Variants in PPARA observed in about 807,000 individuals in gnomAD.
PPARA encodes the protein peroxisome proliferator activated receptor alpha, also known as peroxisome proliferator-activated receptor alpha.
A neutral mutation model predicts 42.2 loss-of-function variants in PPARA; 22 were observed. The observed-to-expected ratio is 0.52, with a 90% CI of 0.37 to 0.74. The LOEUF is 0.74. PPARA is among the 30% of genes least tolerant of loss of function. The pLI is 0.00. For synonymous variants in PPARA, 242 were observed against 239.3 expected, an observed-to-expected ratio of 1.01 and a Z score of -0.10; for missense variants, 465 against 608.2, an observed-to-expected ratio of 0.76 and a Z score of 2.48.
chr22:46,199,177 C>T (rs1433863548), intron 4 of PPARA, among the ~76,000 whole-genome samples: 4 of 152,022 alleles, frequency 2.6e-5, no homozygotes, highest in South Asian at 2.1e-4. Context: ...AGCAAGCCCG[C>T]GGGGGGCAGC....
Position 46,183,778 on chromosome 22 carries a change from T to C in PPARA, c.-43+6942T>C, listed in dbSNP as rs542593519. On this transcript the variant is annotated intron_variant, in intron 3 of 8. Transcript: ENST00000407236. The surrounding 1 kb of genome is among the most constrained non-coding windows in gnomAD (Gnocchi z 5.5). ...AAACAAAACAAAAAAAGCTAAATTATCAAATGTCTAGATCGTTGATGGTTG... is the reference window on the plus strand; with the variant it reads ...AAACAAAACAAAAAAAGCTAAATTACCAAATGTCTAGATCGTTGATGGTTG... Among the ~76,000 whole-genome samples the C allele has an allele frequency of 3.8e-4, 58 of 152,154 alleles. No individual in the cohort carries two copies. The highest frequency in any genetic ancestry group is 1.3e-3 in the African/African-American group (56 of 41,524).
At position 46,219,849 on chromosome 22, in the gene PPARA, A is replaced by G. The variant is rs752091336; in HGVS notation, c.546A>G (p.Ala182=). 1.5e-5 allele frequency: 24 copies of G among 1,614,112 alleles called. No homozygotes were observed. The highest frequency in any genetic ancestry group is 1.9e-5 in the Non-Finnish European group (22 of 1,180,050). Residue 182 remains alanine (A), a synonymous_variant, in exon 7 of 9, where the codon GCA becomes GCG. Transcript: ENST00000407236. The surrounding 1 kb of genome is among the most constrained non-coding windows in gnomAD (Gnocchi z 4.8). The part of the protein sequence containing the change: ...RFGRMPRSEK[A]KLKAEILTCE... ...GACGAATGCCAAGATCTGAGAAAGC[A>G]AAACTGAAAGCAGAAATTCTTACCT... is the stretch of plus-strand genomic sequence containing the variant.
At chr22:46,194,674 C>T (rs1160185172) in intron 3 of PPARA, among the ~76,000 whole-genome samples, 2 of 149,796 alleles carry the variant, frequency 1.3e-5, no homozygotes, top group Non-Finnish European at 3.0e-5. Flanking sequence ...CAGGTTCAAG[C>T]GATTCTCCTG....
chr22:46,155,019 A>C (rs1162936509), intron 2 of PPARA: 42 of 142,462 alleles, frequency 2.9e-4, no homozygotes, highest in Admixed American at 7.0e-4. Flanking sequence ...AAAAAAAAAA[A>C]AAAAAAAACC....
chr22:46,241,245 C>T lies in PPARA; in HGVS notation c.*5865C>T, dbSNP rs944229772. ...TAGATATTTTCAGGCACCATTTTGACAGCATTCAGGAAAACGGTTATTGAC... is the reference window on the plus strand; with the variant it reads ...TAGATATTTTCAGGCACCATTTTGATAGCATTCAGGAAAACGGTTATTGAC... On this transcript the variant is annotated 3_prime_UTR_variant, in exon 9 of 9. Coordinates refer to ENST00000407236, the MANE Select transcript of PPARA (RefSeq NM_005036.6). The surrounding 1 kb of genome is among the most constrained non-coding windows in gnomAD (Gnocchi z 5.7). 2 of 152,188 alleles carry T rather than the reference C, an allele frequency of 1.3e-5. No individual in the cohort carries two copies. The highest frequency in any genetic ancestry group is 2.9e-5 in the Non-Finnish European group (2 of 68,040). 9.4% of individuals were successfully genotyped at this position (152,188 alleles called of 1,614,324 possible).
At position 46,180,135 on chromosome 22, in the gene PPARA, A is replaced by G. The variant is rs1185734834; in HGVS notation, c.-43+3299A>G. 1.3e-5 allele frequency among the ~76,000 whole-genome samples: 2 copies of G among 151,862 alleles called. No individual in the cohort carries two copies. The highest frequency in any genetic ancestry group is 3.9e-4 in the East Asian group (2 of 5,184). On this transcript the variant is annotated intron_variant, in intron 3 of 8. Transcript: ENST00000407236. The surrounding 1 kb of genome is among the most constrained non-coding windows in gnomAD (Gnocchi z 4.2). Reference sequence around the variant, plus strand: ...ATGATGTGCAGGAACTAGAACTCTCATCTTTGCTGACAGGAAGGTAAAATG... The same window carrying G: ...ATGATGTGCAGGAACTAGAACTCTCGTCTTTGCTGACAGGAAGGTAAAATG...
rs1462953309 is a variant in PPARA, at chr22:46,225,817, GCA to G, written c.711+5808_711+5809del. ...CACACATACACGTGCACCCACACAT[GCA>G]CACAGACGCACCTCCACCCCCACAC... On this transcript the variant is annotated intron_variant, in intron 7 of 8. Coordinates refer to ENST00000407236, the MANE Select transcript of PPARA (RefSeq NM_005036.6). This position sits in a 1 kb window ranked among gnomAD's most constrained non-coding sequence, Gnocchi z 4.1. 1.3e-5 allele frequency among the ~76,000 whole-genome samples: 2 copies of G among 148,382 alleles called. No individual in the cohort carries two copies. Among genetic ancestry groups the G allele is most frequent in the Non-Finnish European group, 3.0e-5 (2 of 67,234 alleles).
Position 46,227,453 on chromosome 22 carries a change from T to C in PPARA, c.712-4339T>C, listed in dbSNP as rs1420004743. 1.3e-5 allele frequency among the ~76,000 whole-genome samples: 2 copies of C among 152,224 alleles called. No individual in the cohort carries two copies. Among genetic ancestry groups the C allele is most frequent in the East Asian group, 1.9e-4 (1 of 5,202 alleles). On this transcript the variant is annotated intron_variant, in intron 7 of 8. Coordinates refer to ENST00000407236, the MANE Select transcript of PPARA (RefSeq NM_005036.6). The surrounding 1 kb of genome is among the most constrained non-coding windows in gnomAD (Gnocchi z 4.3). The stretch of plus-strand genomic sequence containing the variant: ...TTTTAGTAGACACGGGCTTTTGCCA[T>C]GTTGGCCGGGCTGGTCTCGAAATCC...
intron 2 of PPARA, among the ~76,000 whole-genome samples, chr22:46,158,902 G>T (rs902652591): frequency 6.6e-6 from 1 of 152,050 alleles, no homozygotes; most frequent in Admixed American, 6.6e-5. Flanking sequence ...TTTGTCGGGG[G>T]TGTTGAGGCT....
rs1369966347 is a variant in PPARA at position 46,224,869 on chromosome 22, C to G, written c.711+4855C>G. On this transcript the variant is annotated intron_variant, in intron 7 of 8. Coordinates refer to ENST00000407236, the MANE Select transcript of PPARA (RefSeq NM_005036.6). The surrounding 1 kb of genome is among the most constrained non-coding windows in gnomAD (Gnocchi z 5.7). Reference sequence around the variant, plus strand: ...TTGCTATAAGCGGGGGACTGAATTTCTCTTTGCAGTGGCCAATGCCTTTCT... The same window carrying G: ...TTGCTATAAGCGGGGGACTGAATTTGTCTTTGCAGTGGCCAATGCCTTTCT... 6.6e-6 allele frequency among the ~76,000 whole-genome samples: 1 copy of G among 152,052 alleles called. No individual in the cohort carries two copies. Among genetic ancestry groups the G allele is most frequent in the African/African-American group, 2.4e-5 (1 of 41,396 alleles).
intron 3 of PPARA, among the ~76,000 whole-genome samples, chr22:46,181,685 C>T (rs1309527554): frequency 6.6e-6 from 1 of 152,052 alleles, no homozygotes; most frequent in Non-Finnish European, 1.5e-5. Context: ...AATGATTGGT[C>T]ATATATTTAG....
intron 3 of PPARA, among the ~76,000 whole-genome samples, chr22:46,177,600 A>G (rs545133518): frequency 6.6e-6 from 1 of 152,320 alleles, no homozygotes; most frequent in South Asian, 2.1e-4. Flanking sequence ...TTGTGAAGAG[A>G]GAGAGGTATA....
rs1035831657 is a variant in PPARA, at chr22:46,206,596, A to G, written c.208+8005A>G. ...TATTATAAGAACTTTATGACAGTAT[A>G]CTTTCATTTTTCCCTTCATGCATTT... On this transcript the variant is annotated intron_variant, in intron 4 of 8. Transcript: ENST00000407236. Among the ~76,000 whole-genome samples the G allele has an allele frequency of 5.3e-5, 8 of 152,080 alleles. No individual in the cohort carries two copies. In the South Asian group the frequency reaches 6.2e-4, roughly 12 times the overall value.
intron 2 of PPARA, among the ~76,000 whole-genome samples, chr22:46,175,089 A>G (rs7288994): frequency 0.24 from 36,334 of 151,482 alleles, 4,775 homozygotes; most frequent in African/African-American, 0.34. Flanking sequence ...TTATATTTTT[A>G]GTAGAGATGG....
At chr22:46,181,133 A>G (rs1929898856) in intron 3 of PPARA, among the ~76,000 whole-genome samples, 1 of 152,162 alleles carries the variant, frequency 6.6e-6, no homozygotes, top group Admixed American at 6.5e-5. Context: ...TAGCCGATGC[A>G]GGACACGAGA....
At chr22:46,223,926 G>C (rs1371029913) in intron 7 of PPARA, among the ~76,000 whole-genome samples, 3 of 151,410 alleles carry the variant, frequency 2.0e-5, no homozygotes, top group African/African-American at 7.3e-5. Context: ...CTCCAGCCTG[G>C]GTGACAGAGT....
chr22:46,185,671 G>T (rs1174542072), intron 3 of PPARA, among the ~76,000 whole-genome samples: 1 of 150,896 alleles, frequency 6.6e-6, no homozygotes, highest in Non-Finnish European at 1.5e-5. Context: ...GAGGCAGGTG[G>T]ATCACCTGAG....
intron 3 of PPARA, among the ~76,000 whole-genome samples, chr22:46,177,475 A>AG (rs1286105853): frequency 1.3e-5 from 2 of 152,092 alleles, no homozygotes; most frequent in Non-Finnish European, 2.9e-5. Flanking sequence ...AAAAAAAAAA[A>AG]AAAAAAATCG....
At chr22:46,201,528 T>G (rs904751465) in intron 4 of PPARA, among the ~76,000 whole-genome samples, 1 of 152,118 alleles carries the variant, frequency 6.6e-6, no homozygotes, top group Non-Finnish European at 1.5e-5. Flanking sequence ...AAAGGCTCCG[T>G]GTCAGGTGGC....
Sources: gnomAD v4.1 joint callset for allele counts (sites outside exome capture counted in the v4.1 genomes callset) on GRCh38, gnomAD v4.1.1 for gene constraint, Gnocchi (gnomAD v3.1) non-coding constraint, MANE v1.5 for transcripts, NCBI Gene and HGNC (gene_info 2026-07-23, HGNC 2026-07-21) for gene names.